Variants in DUSP15 observed in about 807,000 individuals in gnomAD.
The protein encoded by DUSP15 is dual specificity phosphatase 15.
Under a neutral mutation model 26.3 loss-of-function variants are expected in DUSP15, and 23 were observed. The observed-to-expected ratio is 0.87, with a 90% CI of 0.63 to 1.24. DUSP15 has a LOEUF of 1.24. Ranked by LOEUF, DUSP15 falls within the 50% of genes most tolerant of loss-of-function variation. The pLI is 0.00. For synonymous variants in DUSP15, 143 were observed against 135.5 expected, an observed-to-expected ratio of 1.06 and a Z score of -0.39; for missense variants, 364 against 320.6, an observed-to-expected ratio of 1.14 and a Z score of -1.03.
chr20:31,862,454 C>T, intron 6 of DUSP15, 117 bp downstream of exon 6: 1 of 1,252,244 alleles, frequency 8.0e-7, no homozygotes, highest in African/African-American at 1.5e-5. Flanking sequence ...GAGTTTGAGA[C>T]CCTAGAAAAA....
downstream of DUSP15, among the ~76,000 whole-genome samples, chr20:31,857,844 T>C (rs530597626): frequency 6.6e-6 from 1 of 152,228 alleles, no homozygotes; most frequent in Admixed American, 6.5e-5. Flanking sequence ...CCAAAAAGTT[T>C]CCTGAGCTGC....
At chr20:31,867,893 C>T (rs984545771) in intron 2 of DUSP15, among the ~76,000 whole-genome samples, 4 of 152,142 alleles carry the variant, frequency 2.6e-5, no homozygotes, top group Admixed American at 6.5e-5. Context: ...GATCCGCCCG[C>T]CTTGGCCTCC....
At chr20:31,849,907 G>T in intron 7 of DUSP15, 1 of 1,450,638 alleles carries the variant, frequency 6.9e-7, no homozygotes, top group Non-Finnish European at 9.0e-7. Flanking sequence ...CGGGCTGGAC[G>T]TGGGCGGCGC....
chr20:31,859,338 G>A (rs2062609555), downstream of DUSP15, among the ~76,000 whole-genome samples: 1 of 152,014 alleles, frequency 6.6e-6, no homozygotes, highest in South Asian at 2.1e-4. Flanking sequence ...AATTGTCAAA[G>A]GAGATGTGGG....
At chr20:31,869,679 C>A (rs1028770232) in intron 1 of DUSP15, 82 bp from the exon 2 acceptor site, 1 of 1,565,242 alleles carries the variant, frequency 6.4e-7, no homozygotes, top group African/African-American at 1.4e-5. Flanking sequence ...GCCCACAGCC[C>A]CTCTCTGTCC....
At chr20:31,861,738 G>GGGGGGGGGCCCCC in intron 6 of DUSP15, 63 bp from the exon 7 acceptor site, 1 of 1,290,718 alleles carries the variant, frequency 7.7e-7, no homozygotes, top group Non-Finnish European at 1.0e-6. Flanking sequence ...AAGGCAGCCG[G>GGGGGGGGGCCCCC]CCCCGCCCCC....
chr20:31,849,621 G>A, intron 8 of DUSP15: 1 of 1,498,436 alleles, frequency 6.7e-7, no homozygotes, highest in Admixed American at 1.8e-5. Flanking sequence ...ACAGGCCCTG[G>A]CACAGGCGCT....
downstream of DUSP15, among the ~76,000 whole-genome samples, chr20:31,846,241 TACAC>T (rs2062376003): frequency 6.5e-5 from 6 of 91,604 alleles, no homozygotes; most frequent in South Asian, 1.9e-3. Flanking sequence ...CACAAGCACA[TACAC>T]AGACACACAG....
intron 7 of DUSP15, among the ~76,000 whole-genome samples, chr20:31,850,042 T>C (rs2062442150): frequency 6.6e-6 from 1 of 152,160 alleles, no homozygotes; most frequent in Non-Finnish European, 1.5e-5. Context: ...CTAGTAATAA[T>C]AGTAGTAAAC....
intron 2 of DUSP15, among the ~76,000 whole-genome samples, chr20:31,868,237 A>AGACCC (rs2062816379): frequency 3.3e-5 from 5 of 152,176 alleles, no homozygotes; most frequent in Middle Eastern, 3.4e-3. Context: ...TGGGGCCTGC[A>AGACCC]CACTTACAGA....
intron 8 of DUSP15, chr20:31,849,595 G>A: frequency 7.1e-7 from 1 of 1,399,522 alleles, no homozygotes; most frequent in Non-Finnish European, 1.0e-6. Flanking sequence ...GCTCCACCTT[G>A]TTGGGCTGCG....
chr20:31,858,229 T>A (rs2062593327), downstream of DUSP15, among the ~76,000 whole-genome samples: 1 of 152,072 alleles, frequency 6.6e-6, no homozygotes, highest in Admixed American at 6.5e-5. The surrounding 1 kb of genome is among the most constrained non-coding windows in gnomAD (Gnocchi z 4.4). Context: ...CTTGCCCGCA[T>A]CCTCCCAGCA....
intron 3 of DUSP15, 95 bp downstream of exon 3, chr20:31,866,976 G>A: frequency 8.2e-7 from 1 of 1,226,900 alleles, no homozygotes; most frequent in Non-Finnish European, 1.1e-6. Context: ...CATGAGTCAA[G>A]AAGGAAGCAT....
chr20:31,846,187 GAGAC>G (rs1442059868), downstream of DUSP15, among the ~76,000 whole-genome samples: 6 of 146,818 alleles, frequency 4.1e-5, no homozygotes, highest in South Asian at 4.4e-4. Context: ...CATATACACA[GAGAC>G]AGACACACAC....
intron 3 of DUSP15, among the ~76,000 whole-genome samples, 168 bp downstream of exon 3, chr20:31,866,903 C>A (rs1568697139): frequency 6.6e-6 from 1 of 152,184 alleles, no homozygotes; most frequent in African/African-American, 2.4e-5. Context: ...CCTCTCTGGG[C>A]CTCAACTGCC....
intron 5 of DUSP15, among the ~76,000 whole-genome samples, chr20:31,863,249 TA>T (rs1568687137): frequency 6.6e-6 from 1 of 151,888 alleles, no homozygotes; most frequent in Non-Finnish European, 1.5e-5. Flanking sequence ...GAAAGATGAA[TA>T]AGGGTTAGTC....
At chr20:31,848,294 C>T (rs576437182) in exon 10 of DUSP15, 2 of 1,287,864 alleles carry the variant, frequency 1.6e-6, no homozygotes, top group Non-Finnish European at 2.1e-6. Context: ...CGCGATCCAC[C>T]TCTGCCGTCC....
downstream of DUSP15, among the ~76,000 whole-genome samples, chr20:31,846,435 G>A (rs1397171928): frequency 1.6e-5 from 2 of 122,826 alleles, no homozygotes; most frequent in African/African-American, 8.1e-5. Context: ...GGAGTGAAAG[G>A]AATGAATAGA....
intron 6 of DUSP15, among the ~76,000 whole-genome samples, chr20:31,854,464 A>G (rs1242416745): frequency 6.6e-6 from 1 of 152,188 alleles, no homozygotes. Context: ...GAATAACATG[A>G]AGATGACGTG....
Sources: allele counts gnomAD v4.1 joint callset (sites outside exome capture counted in the v4.1 genomes callset), GRCh38; gene constraint gnomAD v4.1.1; non-coding constraint Gnocchi (gnomAD v3.1); transcripts MANE v1.5; gene names NCBI Gene and HGNC (gene_info 2026-07-23, HGNC 2026-07-21).